The following TNNI3K variants were observed in gnomAD, a reference collection of about 807,000 sequenced individuals.
The protein encoded by TNNI3K is serine/threonine-protein kinase TNNI3K.
In TNNI3K, 140 loss-of-function variants were observed where a neutral mutation model predicts 114.5. The ratio of observed to expected loss-of-function variants is 1.22; its 90% CI spans 1.07 to 1.41. The LOEUF (loss-of-function observed/expected upper bound fraction) is 1.41. TNNI3K is among the 40% of genes most tolerant of loss of function. The pLI, the probability that TNNI3K is intolerant of heterozygous loss-of-function variation, is 0.00. For missense variants in TNNI3K, 1,125 were observed against 1,007.6 expected (o/e 1.12, Z -1.58); for synonymous variants, 347 against 347.5 (o/e 1.00, Z 0.02).
chr1:74,490,869 A>C (rs1332398093), intron 22 of TNNI3K, among the ~76,000 whole-genome samples: 1 of 152,238 alleles, frequency 6.6e-6, no homozygotes, highest in Non-Finnish European at 1.5e-5. Flanking sequence ...TATAAATATA[A>C]TGTCCTGCAG....
chr1:74,374,916 C>G (rs1473780679), intron 17 of TNNI3K: 1 of 151,808 alleles, frequency 6.6e-6, no homozygotes, highest in Admixed American at 6.6e-5. Context: ...GTGTGTTTTT[C>G]TTGGAAAAGT....
intron 23 of TNNI3K, among the ~76,000 whole-genome samples, chr1:74,530,430 G>T (rs1295875960): frequency 6.6e-6 from 1 of 152,120 alleles, no homozygotes; most frequent in African/African-American, 2.4e-5. Context: ...TGTTAGGTGG[G>T]GCAAATTTTG....
At chr1:74,245,185 A>G (rs1654478563) in intron 2 of TNNI3K, among the ~76,000 whole-genome samples, 3 of 152,246 alleles carry the variant, frequency 2.0e-5, no homozygotes, top group African/African-American at 7.2e-5. Flanking sequence ...GGAAAAAAGA[A>G]TATAATCCCA....
intron 20 of TNNI3K, among the ~76,000 whole-genome samples, chr1:74,458,144 A>G (rs962740155): frequency 6.6e-6 from 1 of 152,166 alleles, no homozygotes; most frequent in Non-Finnish European, 1.5e-5. Context: ...CTCCATGTAT[A>G]CTATCTCAGT....
At chr1:74,346,238 C>T (rs1410048475) in intron 9 of TNNI3K, 1 of 152,130 alleles carries the variant, frequency 6.6e-6, no homozygotes, top group Non-Finnish European at 1.5e-5. Context: ...AATTCTCCTT[C>T]AGTAAAATGA....
intron 23 of TNNI3K, among the ~76,000 whole-genome samples, chr1:74,500,882 C>T (rs181734111): frequency 1.1e-3 from 164 of 151,932 alleles, no homozygotes; most frequent in African/African-American, 3.7e-3. Flanking sequence ...CCTTTTAAAA[C>T]TGCTTTTAGA....
chr1:74,460,392 A>C (rs1667408286), intron 20 of TNNI3K, among the ~76,000 whole-genome samples: 1 of 152,214 alleles, frequency 6.6e-6, no homozygotes, highest in African/African-American at 2.4e-5. Context: ...CCTACTCTAG[A>C]TCTAGGTTAT....
chr1:74,514,673 A>G (rs1646322866), intron 23 of TNNI3K, among the ~76,000 whole-genome samples: 1 of 152,148 alleles, frequency 6.6e-6, no homozygotes, highest in Non-Finnish European at 1.5e-5. Flanking sequence ...CAGTCTATCT[A>G]ATCCCAAAGC....
intron 20 of TNNI3K, 36 bp downstream of exon 20, chr1:74,439,658 C>T: frequency 6.2e-7 from 1 of 1,608,230 alleles, no homozygotes; most frequent in Non-Finnish European, 8.5e-7. Context: ...TCCTGTTTTA[C>T]AGAGTTCACT....
chr1:74,462,543 A>C (rs1055127834), intron 20 of TNNI3K, among the ~76,000 whole-genome samples: 2 of 152,236 alleles, frequency 1.3e-5, no homozygotes, highest in African/African-American at 4.8e-5. Flanking sequence ...TATATGTAAA[A>C]TGTTTATAAA....
chr1:74,383,590 A>G (rs963858424), intron 17 of TNNI3K, among the ~76,000 whole-genome samples: 1 of 152,078 alleles, frequency 6.6e-6, no homozygotes, highest in East Asian at 1.9e-4. Context: ...TCATGCTATT[A>G]AAATTGCTCA....
chr1:74,476,229 C>G (rs1158629009), intron 21 of TNNI3K, among the ~76,000 whole-genome samples: 1 of 152,058 alleles, frequency 6.6e-6, no homozygotes, highest in East Asian at 1.9e-4. Context: ...GTAGTTTGTC[C>G]TCTGAATAAA....
chr1:74,338,770 T>C (rs1660609252), intron 7 of TNNI3K, among the ~76,000 whole-genome samples: 1 of 152,192 alleles, frequency 6.6e-6, no homozygotes, highest in South Asian at 2.1e-4. Context: ...AGGGCCACTT[T>C]ATTTCGTAAA....
At chr1:74,309,366 C>A (rs866683823) in intron 5 of TNNI3K, among the ~76,000 whole-genome samples, 75 of 24,090 alleles carry the variant, frequency 3.1e-3, no homozygotes, top group South Asian at 0.015. Flanking sequence ...GACTCTGTCT[C>A]AAAAAAAAAA....
At chr1:74,480,314 C>T (rs1312272933) in intron 21 of TNNI3K, 1 of 717,622 alleles carries the variant, frequency 1.4e-6, no homozygotes, top group Admixed American at 2.0e-5. Flanking sequence ...AGATGGCTGG[C>T]AATTTAGGTC....
intron 17 of TNNI3K, among the ~76,000 whole-genome samples, chr1:74,397,209 G>GAC (rs1386076609): frequency 6.6e-6 from 1 of 151,398 alleles, no homozygotes; most frequent in Non-Finnish European, 1.5e-5. Flanking sequence ...GACAGAGAGA[G>GAC]AGACAGAAGA....
At chr1:74,434,801 A>T (rs1423391034) in intron 17 of TNNI3K, among the ~76,000 whole-genome samples, 2 of 152,048 alleles carry the variant, frequency 1.3e-5, no homozygotes, top group African/African-American at 4.8e-5. Flanking sequence ...ATTTTCTGTA[A>T]TTTAAAAGAA....
intron 11 of TNNI3K, among the ~76,000 whole-genome samples, chr1:74,359,669 G>A (rs1429655544): frequency 1.3e-5 from 2 of 151,986 alleles, no homozygotes; most frequent in Non-Finnish European, 2.9e-5. Flanking sequence ...GTAGTTGCAT[G>A]CAAATACATA....
chr1:74,430,787 C>T (rs973816815), intron 17 of TNNI3K, among the ~76,000 whole-genome samples: 11 of 152,176 alleles, frequency 7.2e-5, no homozygotes, highest in Non-Finnish European at 1.3e-4. Context: ...GGTATCAGTG[C>T]AGTCAGGGGA....
Sources: allele counts gnomAD v4.1 joint callset (sites outside exome capture counted in the v4.1 genomes callset), GRCh38; gene constraint gnomAD v4.1.1; transcripts MANE v1.5; gene names NCBI Gene and HGNC (gene_info 2026-07-23, HGNC 2026-07-21).